NUP133: variants seen among roughly 807,000 people sequenced by gnomAD.
NUP133 encodes nuclear pore complex protein Nup133.
NUP133 carries 66 observed loss-of-function variants against 146.2 expected under a neutral mutation model. The ratio of observed to expected loss-of-function variants is 0.45; its 90% confidence interval spans 0.37 to 0.55. The LOEUF (loss-of-function observed/expected upper bound fraction) is 0.55. Among genes scored for constraint, NUP133 ranks in the 20% least tolerant of loss-of-function variants. The pLI is 0.00. For missense variants in NUP133, 1,277 were observed against 1,374.8 expected (o/e 0.93, Z 1.12); for synonymous variants, 521 against 498.8 (o/e 1.04, Z -0.59).
In NUP133 at chr1:229,496,331, G is replaced by A. The variant is rs137978676; in HGVS notation, c.820-284C>T. Among the ~76,000 whole-genome samples, 511 of 152,030 alleles carry A rather than the reference G, an allele frequency of 3.4e-3. 3 individuals carry two copies. The highest frequency in any genetic ancestry group is 0.012 in the African/African-American group (493 of 41,454). On this transcript the variant is annotated intron_variant, in intron 6 of 25. Coordinates refer to ENST00000261396, the MANE Select transcript of NUP133 (RefSeq NM_018230.3). ...TCCACTAAAATACAAAAAAGTAGCC[G>A]GGTGTGGTGGCACACGCCTGTAGTC... is the stretch of plus-strand genomic sequence containing the variant.
chr1:229,466,535 T>C, intron 16 of NUP133, 99 bp downstream of exon 16: 1 of 1,295,440 alleles, frequency 7.7e-7, no homozygotes. Context: ...TACAACCTTA[T>C]ACATTATCGG....
chr1:229,502,629 T>C (rs1661833257), intron 2 of NUP133, among the ~76,000 whole-genome samples: 1 of 150,862 alleles, frequency 6.6e-6, no homozygotes, highest in Admixed American at 6.6e-5. Context: ...TTTGGGACAT[T>C]TAATATTCCT....
rs762299799 is a variant in NUP133, at chr1:229,464,659, T to C, written c.2516A>G (p.Tyr839Cys). ...RERYDNLEME[Y>C]LQKRSDLLSP... ...TAAGAGATCTGATCTTTTCTGTAGG[T>C]ATTCCATCTCCAGATTGTCATATCT... is the stretch of plus-strand genomic sequence containing the variant. The change falls in exon 18 of 26, where the codon TAC (tyrosine) becomes TGC (cysteine). Residue 839 changes from tyrosine to cysteine, a missense_variant. Coordinates refer to ENST00000261396, the MANE Select transcript of NUP133 (RefSeq NM_018230.3). The C allele has an allele frequency of 6.2e-7, 1 of 1,614,204 alleles. No individual in the cohort carries two copies. The highest frequency in any genetic ancestry group is 2.2e-5 in the East Asian group (1 of 44,888).
Position 229,508,080 on chromosome 1 carries a change from G to A in NUP133, c.170C>T (p.Ser57Leu). Residue 57 changes from serine (S) to leucine (L), a missense_variant, in exon 1 of 26, where the codon TCG becomes TTG. This residue lies in a region of NUP133 where 319 missense variants were observed against 306.9 expected (regional missense o/e 1.04). Coordinates refer to ENST00000261396, the MANE Select transcript of NUP133 (RefSeq NM_018230.3). Reference protein sequence around the residue: ...VLFSPVGRRSSLSSRGTPTRM... With the variant: ...VLFSPVGRRSLLSSRGTPTRM... ...GGAGATCACTTACCGCGAGCTTAGC[G>A]AGCTACGCCGGCCGACCGGCGAGAA... 1 of 1,499,296 alleles carries A rather than the reference G, an allele frequency of 6.7e-7. No individual in the cohort carries two copies. The highest frequency in any genetic ancestry group is 1.3e-5 in the South Asian group (1 of 77,858). 92.9% of individuals were successfully genotyped at this position (1,499,296 alleles called of 1,614,324 possible). A position where few individuals can be genotyped will look rare whatever the true frequency, so the allele number is the denominator to read the frequency against.
intron 8 of NUP133, among the ~76,000 whole-genome samples, chr1:229,494,348 G>A (rs1661598819): frequency 6.6e-6 from 1 of 152,144 alleles, no homozygotes. Flanking sequence ...TATAATAATA[G>A]TCTAAACAGT....
At chr1:229,468,445 C>T (rs1348406484) in intron 15 of NUP133, among the ~76,000 whole-genome samples, 1 of 152,170 alleles carries the variant, frequency 6.6e-6, no homozygotes, top group South Asian at 2.1e-4. Context: ...CAACGAACAT[C>T]ATGAGAAATG....
Position 229,508,122 on chromosome 1 carries a change from A to G in NUP133, c.128T>C (p.Val43Ala). ...CGGCGAGAAGAGCACTGGGGAGCTG[A>G]CTGCAGACCCCAGGGGCAGACCCTT... is the stretch of plus-strand genomic sequence containing the variant. The part of the protein sequence containing the change: ...SRKGLPLGSA[V>A]SSPVLFSPVG... The change falls in exon 1 of 26, where the codon GTC becomes GCC. Residue 43 changes from valine to alanine, a missense_variant. Around this residue, in one of 3 missense-constraint regions of NUP133, gnomAD observed 319 missense variants for 306.9 expected, o/e 1.04. Coordinates refer to ENST00000261396, the MANE Select transcript of NUP133 (RefSeq NM_018230.3). The G allele has an allele frequency of 6.3e-7, 1 of 1,575,302 alleles. No homozygotes were observed. The highest frequency in any genetic ancestry group is 8.6e-7 in the Non-Finnish European group (1 of 1,162,208).
intron 18 of NUP133, among the ~76,000 whole-genome samples, chr1:229,464,013 C>T (rs2102757674): frequency 6.6e-6 from 1 of 152,238 alleles, no homozygotes; most frequent in South Asian, 2.1e-4. Context: ...GTTGTGGTGG[C>T]ACACGCCTGT....
At position 229,495,916 on chromosome 1, in the gene NUP133, C is replaced by T. The variant is rs1310215496; in HGVS notation, c.951G>A (p.Lys317=). Residue 317 remains lysine (K), a synonymous_variant, in exon 7 of 26, where the codon AAG becomes AAA. Transcript: ENST00000261396. The stretch of plus-strand genomic sequence containing the variant: ...CCCAAATAGCATCGGTAATGTTTTC[C>T]TTCAGGGCTCTATTTATATCCCAAC... ...AYSWDINRAL[K]ENITDAIWGS... is the part of the protein sequence containing the mutation. 6.3e-7 allele frequency: 1 copy of T among 1,598,456 alleles called. No individual in the cohort carries two copies.
At chr1:229,475,100 A>G (rs576544119) in intron 14 of NUP133, among the ~76,000 whole-genome samples, 1 of 147,878 alleles carries the variant, frequency 6.8e-6, no homozygotes, top group South Asian at 2.1e-4. Context: ...CCCTGTCTCA[A>G]TAAATAAATA....
chr1:229,448,752 T>A (rs1202154423), intron 24 of NUP133: 3 of 222,336 alleles, frequency 1.3e-5, no homozygotes, highest in Non-Finnish European at 2.7e-5. Context: ...TATAATAAAT[T>A]GGTAGGTGTG....
chr1:229,508,045 A>G (rs1236574377), intron 1 of NUP133, 23 bp downstream of exon 1: 19 of 1,439,290 alleles, frequency 1.3e-5, no homozygotes, highest in Non-Finnish European at 1.7e-5. Context: ...TGGTTGCCAG[A>G]CCCAACCAGG....
intron 15 of NUP133, among the ~76,000 whole-genome samples, chr1:229,468,297 A>G (rs1660870497): frequency 6.6e-6 from 1 of 152,228 alleles, no homozygotes; most frequent in Admixed American, 6.5e-5. Flanking sequence ...TTAGACAGGT[A>G]ACTTGTCACC....
chr1:229,447,679 C>G (rs1270143083), intron 24 of NUP133, among the ~76,000 whole-genome samples: 1 of 151,982 alleles, frequency 6.6e-6, no homozygotes, highest in Non-Finnish European at 1.5e-5. Context: ...CATAAAAACA[C>G]AAAACGACAG....
At chr1:229,492,725 A>G (rs564785392) in intron 8 of NUP133, among the ~76,000 whole-genome samples, 1 of 152,214 alleles carries the variant, frequency 6.6e-6, no homozygotes, top group East Asian at 1.9e-4. Flanking sequence ...GAGGACACAA[A>G]GACATAAGAA....
chr1:229,445,535 T>A (rs1660284684), intron 24 of NUP133, among the ~76,000 whole-genome samples: 1 of 152,138 alleles, frequency 6.6e-6, no homozygotes, highest in African/African-American at 2.4e-5. Context: ...CCCAGGCTGG[T>A]CTTGAACTCC....
At chr1:229,473,926 C>T (rs1252629723) in intron 14 of NUP133, among the ~76,000 whole-genome samples, 2 of 152,008 alleles carry the variant, frequency 1.3e-5, no homozygotes, top group Non-Finnish European at 2.9e-5. Context: ...CCCTGTCACA[C>T]ACATACAAAA....
chr1:229,478,065 T>A (rs1335533058), intron 12 of NUP133, among the ~76,000 whole-genome samples: 1 of 152,168 alleles, frequency 6.6e-6, no homozygotes, highest in Non-Finnish European at 1.5e-5. Context: ...TTTACCCTGA[T>A]GTGATTATTA....
At chr1:229,487,330 G>T in intron 10 of NUP133, 136 bp downstream of exon 10, 1 of 813,430 alleles carries the variant, frequency 1.2e-6, no homozygotes, top group Non-Finnish European at 1.9e-6. Flanking sequence ...GGCTTCAGCT[G>T]CTGTAGTTGT....
Sources: allele counts gnomAD v4.1 joint callset (sites outside exome capture counted in the v4.1 genomes callset), GRCh38; gene constraint gnomAD v4.1.1; regional missense constraint gnomAD v4.1.1; transcripts MANE v1.5; gene names NCBI Gene and HGNC (gene_info 2026-07-23, HGNC 2026-07-21).